Variants in PDS5A observed in about 807,000 individuals in gnomAD.
PDS5A encodes the protein PDS5 cohesin associated factor A, also known as sister chromatid cohesion protein PDS5 homolog A.
PDS5A carries 42 observed loss-of-function variants against 167.1 expected under a neutral mutation model. The observed-to-expected ratio is 0.25, with a 90% CI of 0.20 to 0.33. PDS5A has a LOEUF of 0.33. Ranked by LOEUF, PDS5A falls within the 10% of genes least tolerant of loss-of-function variation. The pLI, the probability that PDS5A is intolerant of heterozygous loss-of-function variation, is 1.00. For synonymous variants in PDS5A, 553 were observed against 554.6 expected, an observed-to-expected ratio of 1.00 and a Z score of 0.04; for missense variants, 1,033 against 1,605.9, an observed-to-expected ratio of 0.64 and a Z score of 6.10.
At chr4:39,827,904 C>T (rs2109459694) in intron 32 of PDS5A, among the ~76,000 whole-genome samples, 1 of 152,268 alleles carries the variant, frequency 6.6e-6, no homozygotes, top group African/African-American at 2.4e-5. Flanking sequence ...AAAACATACT[C>T]AACAATCAGC....
At chr4:39,844,109 C>T (rs1286608453) in intron 30 of PDS5A, among the ~76,000 whole-genome samples, 1 of 151,872 alleles carries the variant, frequency 6.6e-6, no homozygotes, top group Non-Finnish European at 1.5e-5. Flanking sequence ...ATGATCCTGC[C>T]ACTGCCCTCC....
chr4:39,869,959 A>ATTT (rs1182816284), intron 21 of PDS5A, among the ~76,000 whole-genome samples: 1 of 152,098 alleles, frequency 6.6e-6, no homozygotes, highest in Non-Finnish European at 1.5e-5. Flanking sequence ...ACACAAAAAA[A>ATTT]TTAGTTGGGC....
chr4:39,904,928 C>T (rs534711412), intron 11 of PDS5A, among the ~76,000 whole-genome samples: 1 of 152,298 alleles, frequency 6.6e-6, no homozygotes, highest in South Asian at 2.1e-4. Flanking sequence ...GCAAACAAAA[C>T]CCCTATTATC....
At chr4:39,832,017 G>A (rs1715942632) in intron 32 of PDS5A, among the ~76,000 whole-genome samples, 1 of 151,226 alleles carries the variant, frequency 6.6e-6, no homozygotes, top group Non-Finnish European at 1.5e-5. Context: ...CGGAGGATGA[G>A]GCACAAGAAT....
In PDS5A at chr4:39,917,160, C is replaced by G; in HGVS notation, c.764G>C (p.Arg255Thr). Residue 255 changes from arginine (R) to threonine (T), a missense_variant, in exon 8 of 33, where the codon AGA becomes ACA. This residue lies in a region of PDS5A where 388 missense variants were observed against 615.1 expected (regional missense o/e 0.63). Coordinates refer to ENST00000303538, the MANE Select transcript of PDS5A (RefSeq NM_001100399.2). ...NFFNQVLVLGRSSVSDLSEHV... is the reference protein window; with the variant it reads ...NFFNQVLVLGTSSVSDLSEHV... ...TTCTGACAAATCACTTACTGATGAT[C>G]TTCCCAGCACCAGGACTTGATTGAA... is the stretch of plus-strand genomic sequence containing the variant. 1 of 1,559,896 alleles carries G rather than the reference C, an allele frequency of 6.4e-7. No individual in the cohort carries two copies. Among genetic ancestry groups the G allele is most frequent in the South Asian group, 1.2e-5 (1 of 80,674 alleles).
In PDS5A at chr4:39,904,189, C is replaced by A; in HGVS notation, c.1236G>T (p.Trp412Cys). ...FVRERTLDKR[W>C]RVRKEAMMGL... ...CCATCATAGCTTCTTTTCTTACTCGCCACTAAAAAGCATAAAATTTATTAG... is the reference window on the plus strand; with the variant it reads ...CCATCATAGCTTCTTTTCTTACTCGACACTAAAAAGCATAAAATTTATTAG... The change falls in exon 12 of 33, where the codon TGG (tryptophan) becomes TGT (cysteine). Residue 412 changes from tryptophan to cysteine, a missense_variant and splice_region_variant. This residue lies in a region of PDS5A where 388 missense variants were observed against 615.1 expected (regional missense o/e 0.63). Transcript: ENST00000303538. 1 of 1,600,976 alleles carries A rather than the reference C, an allele frequency of 6.2e-7. No individual in the cohort carries two copies.
intron 4 of PDS5A, among the ~76,000 whole-genome samples, 166 bp from the exon 5 acceptor site, chr4:39,926,099 GAT>G (rs1477097769): frequency 1.3e-5 from 2 of 151,834 alleles, no homozygotes; most frequent in African/African-American, 4.8e-5. Context: ...CCTTGAAAAA[GAT>G]ATATACCTGA....
intron 2 of PDS5A, among the ~76,000 whole-genome samples, chr4:39,949,971 T>G (rs1377576688): frequency 6.6e-6 from 1 of 152,092 alleles, no homozygotes; most frequent in Non-Finnish European, 1.5e-5. Flanking sequence ...AATGGCATGA[T>G]CTCGGCTCAC....
intron 32 of PDS5A, 22 bp downstream of exon 32, chr4:39,837,834 G>C: frequency 1.3e-6 from 2 of 1,540,216 alleles, no homozygotes; most frequent in Non-Finnish European, 1.8e-6. Flanking sequence ...ATTCCCACTT[G>C]AGGAAGAATG....
chr4:39,876,498 ATT>A (rs1720473702), intron 19 of PDS5A, among the ~76,000 whole-genome samples: 1 of 152,184 alleles, frequency 6.6e-6, no homozygotes, highest in Non-Finnish European at 1.5e-5. Context: ...TTTGCAATGT[ATT>A]GTTTCCTTCA....
At position 39,898,531 on chromosome 4, in the gene PDS5A, A is replaced by G. The variant is rs770101338; in HGVS notation, c.1631-3T>C. ...TTTCCCGGGGTCAGGCAAATTCTCT[A>G]TAAAATTAAAAGAGAATCAATATTA... On this transcript the variant is annotated splice_polypyrimidine_tract_variant and splice_region_variant and intron_variant, in intron 15 of 32. Transcript: ENST00000303538. The G allele has an allele frequency of 6.5e-7, 1 of 1,530,118 alleles. No homozygotes were observed. The highest frequency in any genetic ancestry group is 1.4e-5 in the African/African-American group (1 of 71,484). The allele number at this position is 1,530,118 out of a possible 1,614,324, so 94.8% of individuals were successfully genotyped here.
chr4:39,905,273 C>A (rs1411200584), intron 11 of PDS5A, among the ~76,000 whole-genome samples: 1 of 152,016 alleles, frequency 6.6e-6, no homozygotes, highest in African/African-American at 2.4e-5. Flanking sequence ...AAAATCTGAC[C>A]AAGGGCGGGC....
At chr4:39,869,561 AC>A in intron 21 of PDS5A, 99 bp from the exon 22 acceptor site, 1 of 735,238 alleles carries the variant, frequency 1.4e-6, no homozygotes, top group South Asian at 1.6e-5. Flanking sequence ...CCTCTGAGAA[AC>A]CTACGGGAAC....
intron 5 of PDS5A, among the ~76,000 whole-genome samples, chr4:39,923,812 A>G (rs1229029125): frequency 1.3e-5 from 2 of 152,134 alleles, no homozygotes; most frequent in Non-Finnish European, 2.9e-5. Flanking sequence ...AAGTCTTAAT[A>G]AATTCCTCAA....
chr4:39,949,832 A>AAAAAAAAAAAAAAG (rs1728174835), intron 2 of PDS5A, among the ~76,000 whole-genome samples: 1 of 150,900 alleles, frequency 6.6e-6, no homozygotes, highest in Non-Finnish European at 1.5e-5. Flanking sequence ...AAAAAAAAAA[A>AAAAAAAAAAAAAAG]AAAGAAAAAC....
intron 32 of PDS5A, among the ~76,000 whole-genome samples, chr4:39,836,746 G>C (rs1226193683): frequency 6.7e-6 from 1 of 150,212 alleles, no homozygotes; most frequent in Non-Finnish European, 1.5e-5. Flanking sequence ...TTACAGGCGA[G>C]AGTCACTGGG....
intron 2 of PDS5A, among the ~76,000 whole-genome samples, chr4:39,962,207 T>C (rs1191791101): frequency 6.6e-6 from 1 of 152,040 alleles, no homozygotes; most frequent in East Asian, 1.9e-4. Flanking sequence ...ACAGACACAG[T>C]CCGCCACGCT....
intron 32 of PDS5A, among the ~76,000 whole-genome samples, chr4:39,830,582 C>G (rs188999924): frequency 4.6e-5 from 7 of 152,078 alleles, no homozygotes; most frequent in Non-Finnish European, 8.8e-5. Flanking sequence ...TGTGCCACCA[C>G]GCCCAGCTAA....
intron 28 of PDS5A, chr4:39,847,042 A>G (rs1415897255): frequency 6.6e-6 from 1 of 152,228 alleles, no homozygotes; most frequent in Non-Finnish European, 1.5e-5. Flanking sequence ...TAACACATTA[A>G]AAGCAACATG....
Sources: allele counts gnomAD v4.1 joint callset (sites outside exome capture counted in the v4.1 genomes callset), GRCh38; gene constraint gnomAD v4.1.1; regional missense constraint gnomAD v4.1.1; transcripts MANE v1.5; gene names NCBI Gene and HGNC (gene_info 2026-07-23, HGNC 2026-07-21).